AK7: variants seen among roughly 807,000 people sequenced by gnomAD.
The protein encoded by AK7 is ATP-AMP transphosphorylase 7.
In AK7, 78 loss-of-function variants were observed where a neutral mutation model predicts 96.6. The observed-to-expected ratio is 0.81, with a 90% CI of 0.67 to 0.97. The LOEUF (loss-of-function observed/expected upper bound fraction) is 0.97, where lower values mean the gene tolerates loss of function less well. AK7 is among the 50% of genes least tolerant of loss of function. The pLI is 0.00. For missense variants in AK7, 855 were observed against 887.9 expected (o/e 0.96, Z 0.47); for synonymous variants, 302 against 317.2 (o/e 0.95, Z 0.51).
At chr14:96,432,274 G>C (rs1892397385) in intron 5 of AK7, among the ~76,000 whole-genome samples, 1 of 133,712 alleles carries the variant, frequency 7.5e-6, no homozygotes, top group Non-Finnish European at 1.5e-5. Context: ...TTGAGCCTAT[G>C]TGTGTCTCTG....
At chr14:96,428,120 C>G (rs1892134814) in intron 5 of AK7, among the ~76,000 whole-genome samples, 1 of 152,154 alleles carries the variant, frequency 6.6e-6, no homozygotes, top group Non-Finnish European at 1.5e-5. Flanking sequence ...CCCATCCCCC[C>G]ACCTTACGAC....
At chr14:96,430,274 C>T (rs967054229) in intron 5 of AK7, among the ~76,000 whole-genome samples, 1 of 151,242 alleles carries the variant, frequency 6.6e-6, no homozygotes, top group Admixed American at 6.6e-5. Flanking sequence ...CAAGCTCCGC[C>T]TCCTGGGTTC....
chr14:96,442,828 C>A lies in AK7; in HGVS notation c.779+10C>A, dbSNP rs761854868. The A allele has an allele frequency of 2.5e-6, 4 of 1,609,250 alleles. No individual in the cohort carries two copies. The highest frequency in any genetic ancestry group is 8.5e-7 in the Non-Finnish European group (1 of 1,175,700). On this transcript the variant is annotated intron_variant, in intron 7 of 17. Transcript: ENST00000267584. ...TTCTTGATCTAGCAGGGTAAGCATTCGCCCAGAGACGTGACCTTCACAGAA... is the reference window on the plus strand; with the variant it reads ...TTCTTGATCTAGCAGGGTAAGCATTAGCCCAGAGACGTGACCTTCACAGAA...
intron 14 of AK7, among the ~76,000 whole-genome samples, chr14:96,473,245 A>C (rs1894997473): frequency 6.9e-6 from 1 of 144,640 alleles, no homozygotes; most frequent in Non-Finnish European, 1.5e-5. Flanking sequence ...ATCTCAGCTC[A>C]CTGCAAGCTC....
chr14:96,480,623 A>C (rs1895456474), intron 15 of AK7, among the ~76,000 whole-genome samples: 1 of 152,190 alleles, frequency 6.6e-6, no homozygotes, highest in Admixed American at 6.5e-5. Context: ...GAACTAGGAA[A>C]GAATGGAGAA....
At chr14:96,435,480 G>A (rs80116110) in intron 5 of AK7, among the ~76,000 whole-genome samples, 148 of 152,200 alleles carry the variant, frequency 9.7e-4, no homozygotes, top group Admixed American at 2.1e-3. Flanking sequence ...TCGGAGCCAC[G>A]AGCCATGCAG....
At position 96,417,072 on chromosome 14, in the gene AK7, G is replaced by A. The variant is rs73349260; in HGVS notation, c.499-3750G>A. 1.9e-3 allele frequency among the ~76,000 whole-genome samples: 293 copies of A among 152,316 alleles called. 1 individual carries two copies. Among genetic ancestry groups the A allele is most frequent in the African/African-American group, 6.4e-3 (267 of 41,568 alleles). On this transcript the variant is annotated intron_variant, in intron 4 of 17. Coordinates refer to ENST00000267584, the MANE Select transcript of AK7 (RefSeq NM_152327.5). Reference sequence around the variant, plus strand: ...AAAGGGTAGGGCAAATCCAGAAGAGGGGTGTTGGGCCAGTCACAGGGAGCA... The same window carrying A: ...AAAGGGTAGGGCAAATCCAGAAGAGAGGTGTTGGGCCAGTCACAGGGAGCA...
intron 11 of AK7, 54 bp from the exon 12 acceptor site, chr14:96,458,029 A>G: frequency 2.5e-6 from 4 of 1,594,092 alleles, no homozygotes; most frequent in Non-Finnish European, 3.4e-6. Context: ...CTGATTTGTG[A>G]ATAGCAAATG....
intron 5 of AK7, among the ~76,000 whole-genome samples, chr14:96,425,055 C>T (rs904565142): frequency 2.0e-5 from 3 of 152,168 alleles, no homozygotes; most frequent in Non-Finnish European, 4.4e-5. Context: ...CTTACTCACT[C>T]TTTTCTACAC....
chr14:96,435,353 G>A (rs12897507), intron 5 of AK7, among the ~76,000 whole-genome samples: 23,216 of 152,034 alleles, frequency 0.15, 2,433 homozygotes, highest in East Asian at 0.48. Flanking sequence ...AAGGCAGCAG[G>A]TTCCTTTTCT....
chr14:96,485,361 G>C (rs186071194), intron 16 of AK7, among the ~76,000 whole-genome samples: 1 of 152,072 alleles, frequency 6.6e-6, no homozygotes, highest in African/African-American at 2.4e-5. Context: ...ATAGAAACAG[G>C]AACGGCTCCA....
At position 96,478,638 on chromosome 14, in the gene AK7, C is replaced by T. The variant is rs377232330; in HGVS notation, c.1729C>T (p.Leu577Phe). 58 of 1,613,956 alleles carry T rather than the reference C, an allele frequency of 3.6e-5. No individual in the cohort carries two copies. The highest frequency in any genetic ancestry group is 4.7e-5 in the Non-Finnish European group (56 of 1,180,012). Residue 577 changes from leucine to phenylalanine, a missense_variant, in exon 15 of 18, where the codon CTT becomes TTT. Coordinates refer to ENST00000267584, the MANE Select transcript of AK7 (RefSeq NM_152327.5). ...DETVFNYFDE[L>F]EIHPIHIDVG... ...GACTGTCTTCAACTATTTTGATGAA[C>T]TTGAAATTCACCCGATACATATTGG...
At chr14:96,407,674 C>T (rs1293250046) in intron 3 of AK7, among the ~76,000 whole-genome samples, 3 of 150,844 alleles carry the variant, frequency 2.0e-5, no homozygotes, top group African/African-American at 7.3e-5. Context: ...CTCCGCCTCC[C>T]GGGTACACGC....
At chr14:96,488,209 G>C (rs1895881813) in intron 17 of AK7, 96 bp from the exon 18 acceptor site, 1 of 1,207,244 alleles carries the variant, frequency 8.3e-7, no homozygotes, top group South Asian at 1.3e-5. Context: ...CACCAAGCTT[G>C]GCCCAGGATG....
intron 12 of AK7, 80 bp downstream of exon 12, chr14:96,458,292 T>TA (rs113692199): frequency 2.2e-3 from 3,035 of 1,369,146 alleles, no homozygotes; most frequent in South Asian, 3.0e-3. Context: ...AAAGACTGTT[T>TA]AAAAAAAAAA....
chr14:96,441,642 C>CAAAA (rs34473287), intron 6 of AK7, among the ~76,000 whole-genome samples: 1 of 91,416 alleles, frequency 1.1e-5, no homozygotes, highest in Non-Finnish European at 2.0e-5. Flanking sequence ...GACTCCGTCT[C>CAAAA]AAAAAAAAAA....
At chr14:96,395,402 G>A (rs1351735027) in intron 1 of AK7, among the ~76,000 whole-genome samples, 2 of 152,156 alleles carry the variant, frequency 1.3e-5, no homozygotes, top group African/African-American at 4.8e-5. Context: ...ATAGGCTGAG[G>A]CAGAGGATGA....
At chr14:96,409,381 G>A (rs1341922551) in intron 4 of AK7, among the ~76,000 whole-genome samples, 1 of 152,172 alleles carries the variant, frequency 6.6e-6, no homozygotes, top group Non-Finnish European at 1.5e-5. Context: ...AGACCAGCCT[G>A]GCCAACATGG....
intron 10 of AK7, 109 bp from the exon 11 acceptor site, chr14:96,456,238 C>CAAA (rs56356389): frequency 4.5e-5 from 18 of 398,106 alleles, no homozygotes; most frequent in East Asian, 7.9e-5. Context: ...GACTCTGTCT[C>CAAA]AAAAAAAAAA....
Sources: allele counts gnomAD v4.1 joint callset (sites outside exome capture counted in the v4.1 genomes callset), GRCh38; gene constraint gnomAD v4.1.1; transcripts MANE v1.5; gene names NCBI Gene and HGNC (gene_info 2026-07-23, HGNC 2026-07-21).